GRIP1: variants seen among roughly 807,000 people sequenced by gnomAD.
GRIP1 encodes glutamate receptor-interacting protein 1.
GRIP1 carries 45 observed loss-of-function variants against 129.9 expected under a neutral mutation model. The observed-to-expected ratio is 0.35, with a 90% confidence interval of 0.27 to 0.44. The LOEUF is 0.44. GRIP1 is among the 20% of genes least tolerant of loss of function. GRIP1 has a pLI of 1.00. For synonymous variants in GRIP1, 530 were observed against 520.8 expected (o/e 1.02, Z -0.24); for missense variants, 1,196 against 1,396.8 (o/e 0.86, Z 2.29).
intron 1 of GRIP1, among the ~76,000 whole-genome samples, chr12:66,612,978 T>G (rs1435546052): frequency 1.3e-5 from 2 of 152,336 alleles, no homozygotes; most frequent in East Asian, 3.9e-4. Context: ...ATCAGAACAC[T>G]GCTGTTCACA....
In GRIP1 at chr12:66,578,242, T is replaced by G. The variant is rs949716359; in HGVS notation, c.136+18605A>C. On this transcript the variant is annotated intron_variant, in intron 2 of 24. Coordinates refer to ENST00000359742, the MANE Select transcript of GRIP1 (RefSeq NM_001366722.1). ...TATGGCAAAACCGCGGTTTTTTTTT[T>G]TTTTTTTGTAAAAATACAAAATTGA... 6.8e-5 allele frequency among the ~76,000 whole-genome samples: 10 copies of G among 146,964 alleles called. 1 individual carries two copies. The highest frequency in any genetic ancestry group is 1.5e-4 in the Non-Finnish European group (10 of 66,898).
chr12:66,860,006 T>G (rs1000012184), intron 1 of GRIP1, among the ~76,000 whole-genome samples: 1 of 152,100 alleles, frequency 6.6e-6, no homozygotes, highest in Non-Finnish European at 1.5e-5. Context: ...ATGACTCACA[T>G]GCAAGATATA....
intron 9 of GRIP1, among the ~76,000 whole-genome samples, chr12:66,462,165 G>A (rs1180969671): frequency 6.6e-6 from 1 of 152,082 alleles, no homozygotes; most frequent in Non-Finnish European, 1.5e-5. Flanking sequence ...TAAATATTCT[G>A]ATTCTCCCAG....
chr12:67,068,717 G>C (rs1284329565), intron 1 of GRIP1, among the ~76,000 whole-genome samples: 1 of 128,004 alleles, frequency 7.8e-6, no homozygotes. Context: ...CCCCACAGAC[G>C]GCCGCTCGGA....
At chr12:66,839,917 T>C (rs1481880734) in intron 1 of GRIP1, among the ~76,000 whole-genome samples, 1 of 152,236 alleles carries the variant, frequency 6.6e-6, no homozygotes, top group East Asian at 1.9e-4. Context: ...TCACCATTTA[T>C]ATTTGATAAG....
chr12:66,998,252 T>C (rs1040076876), intron 1 of GRIP1, among the ~76,000 whole-genome samples: 15 of 152,196 alleles, frequency 9.9e-5, no homozygotes, highest in African/African-American at 3.4e-4. Context: ...AAGATATTTA[T>C]GTCATTGCAG....
chr12:66,536,830 A>G (rs2061618987), intron 4 of GRIP1, among the ~76,000 whole-genome samples: 2 of 152,202 alleles, frequency 1.3e-5, no homozygotes, highest in Admixed American at 1.3e-4. Context: ...TAAATGCTCA[A>G]TAAGTCATTG....
At chr12:66,712,749 T>C (rs1193288828) in intron 1 of GRIP1, among the ~76,000 whole-genome samples, 1 of 152,006 alleles carries the variant, frequency 6.6e-6, no homozygotes, top group Non-Finnish European at 1.5e-5. Context: ...TGTAAAATAT[T>C]TGTCTTATAA....
chr12:66,497,521 T>C (rs1375140329), intron 7 of GRIP1, among the ~76,000 whole-genome samples: 2 of 152,118 alleles, frequency 1.3e-5, no homozygotes, highest in Non-Finnish European at 2.9e-5. Flanking sequence ...AGAGAGCAAC[T>C]GGGAAAGTTG....
chr12:66,730,717 A>C (rs1030929560), intron 1 of GRIP1, among the ~76,000 whole-genome samples: 5 of 151,864 alleles, frequency 3.3e-5, no homozygotes, highest in African/African-American at 1.2e-4. Context: ...AAAAAAAAAA[A>C]AAAACTCATA....
chr12:66,538,921 C>T lies in GRIP1; in HGVS notation c.418+157G>A, dbSNP rs2061686941. ...CCCAGCCAGTTATTGTTGTCAATGT[C>T]TTACTGTGCCAAATTTATCAATTAA... On this transcript the variant is annotated intron_variant, in intron 4 of 24. Coordinates refer to ENST00000359742, the MANE Select transcript of GRIP1 (RefSeq NM_001366722.1). Among the ~76,000 whole-genome samples, 3 of 152,220 alleles carry T rather than the reference C, an allele frequency of 2.0e-5. No homozygotes were observed. The South Asian group carries it at 6.2e-4, about 32-fold the overall frequency.
intron 1 of GRIP1, among the ~76,000 whole-genome samples, chr12:67,040,572 G>A (rs996010093): frequency 2.2e-4 from 33 of 152,280 alleles, no homozygotes; most frequent in African/African-American, 7.5e-4. Flanking sequence ...TACGTGTTTA[G>A]ACAGGGAGGT....
intron 13 of GRIP1, among the ~76,000 whole-genome samples, chr12:66,441,417 T>C (rs1323429466): frequency 6.6e-6 from 1 of 152,156 alleles, no homozygotes; most frequent in Non-Finnish European, 1.5e-5. Context: ...TCTCCTTTTT[T>C]CCTGTGACTT....
chr12:66,684,966 T>C (rs2034726330), intron 1 of GRIP1, among the ~76,000 whole-genome samples: 1 of 152,172 alleles, frequency 6.6e-6, no homozygotes, highest in South Asian at 2.1e-4. Context: ...TTGAACTGTA[T>C]CAAGCTCCAT....
At chr12:66,719,012 C>T (rs369188294) in intron 1 of GRIP1, among the ~76,000 whole-genome samples, 2 of 151,920 alleles carry the variant, frequency 1.3e-5, no homozygotes, top group African/African-American at 2.4e-5. Context: ...TCACCTATTG[C>T]CCAACTAAGA....
intron 1 of GRIP1, among the ~76,000 whole-genome samples, chr12:66,952,049 A>G (rs1267545775): frequency 6.6e-6 from 1 of 152,156 alleles, no homozygotes; most frequent in Non-Finnish European, 1.5e-5. Context: ...AGGCATAAAC[A>G]AGATGCTTTA....
At chr12:66,472,462 C>T (rs1012642881) in intron 7 of GRIP1, among the ~76,000 whole-genome samples, 1 of 152,108 alleles carries the variant, frequency 6.6e-6, no homozygotes, top group Admixed American at 6.5e-5. Context: ...CTCCTCTCTT[C>T]CTGCCCAATG....
At chr12:66,933,371 T>TA (rs1307514097) in intron 1 of GRIP1, among the ~76,000 whole-genome samples, 1 of 152,224 alleles carries the variant, frequency 6.6e-6, no homozygotes, top group Non-Finnish European at 1.5e-5. Flanking sequence ...AATTGTCTTA[T>TA]ATGGAAACCA....
intron 1 of GRIP1, among the ~76,000 whole-genome samples, chr12:66,747,749 T>TC (rs2036994929): frequency 6.6e-6 from 1 of 152,114 alleles, no homozygotes; most frequent in Non-Finnish European, 1.5e-5. Context: ...AACATTTTTT[T>TC]CCCCCAGGGT....
Sources: gnomAD v4.1 joint callset for allele counts (sites outside exome capture counted in the v4.1 genomes callset) on GRCh38, gnomAD v4.1.1 for gene constraint, MANE v1.5 for transcripts, NCBI Gene and HGNC (gene_info 2026-07-23, HGNC 2026-07-21) for gene names.